THRB: variants seen among roughly 807,000 people sequenced by gnomAD.
THRB encodes the protein thyroid hormone receptor beta.
Under a neutral mutation model 47.8 loss-of-function variants are expected in THRB, and 12 were observed. The observed-to-expected ratio is 0.25, with a 90% CI of 0.16 to 0.41. The LOEUF is 0.41. Ranked by LOEUF, THRB falls within the 10% of genes least tolerant of loss-of-function variation. The probability of loss-of-function intolerance (pLI) is 1.00; values close to 1 mark genes in which losing one functional copy is unlikely to be tolerated. For missense variants in THRB, 348 were observed against 589.2 expected (o/e 0.59, Z 4.24); for synonymous variants, 218 against 212.2 (o/e 1.03, Z -0.24).
intron 1 of THRB, among the ~76,000 whole-genome samples, chr3:24,438,418 AG>A (rs1175368693): frequency 3.3e-5 from 5 of 152,170 alleles, no homozygotes; most frequent in African/African-American, 1.2e-4. Context: ...AAAAGCCCCT[AG>A]AACACTGTTG....
At chr3:24,353,357 C>A (rs1433422220) in intron 1 of THRB, among the ~76,000 whole-genome samples, 1 of 152,080 alleles carries the variant, frequency 6.6e-6, no homozygotes, top group Non-Finnish European at 1.5e-5. Flanking sequence ...ACTCATGTCA[C>A]CCAGCTGGCT....
At chr3:24,295,661 C>T (rs989731297) in intron 3 of THRB, among the ~76,000 whole-genome samples, 13 of 152,110 alleles carry the variant, frequency 8.5e-5, no homozygotes, top group Admixed American at 2.0e-4. Context: ...CTTGTTAGCC[C>T]TCTTCATTTT....
At chr3:24,362,569 A>T (rs1030659050) in intron 1 of THRB, among the ~76,000 whole-genome samples, 2 of 151,940 alleles carry the variant, frequency 1.3e-5, no homozygotes, top group Non-Finnish European at 1.5e-5. Flanking sequence ...TTTTAAATGG[A>T]CTCTCATCCA....
chr3:24,360,338 T>C (rs2063973979), intron 1 of THRB, among the ~76,000 whole-genome samples: 1 of 152,162 alleles, frequency 6.6e-6, no homozygotes, highest in South Asian at 2.1e-4. Flanking sequence ...TGTGTCCAGA[T>C]GTGTTCAGTA....
At chr3:24,237,732 G>A (rs2049017774) in intron 3 of THRB, among the ~76,000 whole-genome samples, 1 of 152,150 alleles carries the variant, frequency 6.6e-6, no homozygotes, top group South Asian at 2.1e-4. Context: ...ATCCATGGTA[G>A]TATTCTATAC....
chr3:24,129,151 T>C (rs962482681), intron 9 of THRB, among the ~76,000 whole-genome samples: 2 of 152,216 alleles, frequency 1.3e-5, no homozygotes, highest in Non-Finnish European at 2.9e-5. Flanking sequence ...ATAAAAGTCA[T>C]TGCATATTTG....
At chr3:24,375,401 A>G (rs1235009658) in intron 1 of THRB, among the ~76,000 whole-genome samples, 2 of 139,490 alleles carry the variant, frequency 1.4e-5, no homozygotes, top group Non-Finnish European at 3.1e-5. Flanking sequence ...TTATAGTTAG[A>G]CATATAATAT....
At chr3:24,154,249 A>G (rs1559468820) in intron 5 of THRB, among the ~76,000 whole-genome samples, 1 of 152,184 alleles carries the variant, frequency 6.6e-6, no homozygotes, top group Non-Finnish European at 1.5e-5. Context: ...TCATTTTTAA[A>G]AAGGGAATTC....
chr3:24,231,426 G>C (rs1280038624), intron 3 of THRB, among the ~76,000 whole-genome samples: 1 of 151,934 alleles, frequency 6.6e-6, no homozygotes, highest in African/African-American at 2.4e-5. Flanking sequence ...TAAAAATAGT[G>C]TTATCACCAC....
At chr3:24,463,297 G>A (rs983707141) in intron 1 of THRB, among the ~76,000 whole-genome samples, 6 of 152,178 alleles carry the variant, frequency 3.9e-5, no homozygotes, top group Non-Finnish European at 8.8e-5. Flanking sequence ...GTCTCATCCT[G>A]TAGCCCAGGC....
chr3:24,242,240 T>C (rs990310700), intron 3 of THRB, among the ~76,000 whole-genome samples: 2 of 152,190 alleles, frequency 1.3e-5, no homozygotes, highest in Non-Finnish European at 2.9e-5. Context: ...AGATGGCATG[T>C]TTTAGCCAAT....
At chr3:24,411,500 G>T (rs1457207050) in intron 1 of THRB, among the ~76,000 whole-genome samples, 1 of 151,588 alleles carries the variant, frequency 6.6e-6, no homozygotes, top group Non-Finnish European at 1.5e-5. Flanking sequence ...TGAGCCCAAT[G>T]ATAGTGGACC....
At chr3:24,361,492 A>G (rs1443259209) in intron 1 of THRB, among the ~76,000 whole-genome samples, 1 of 152,162 alleles carries the variant, frequency 6.6e-6, no homozygotes, top group Non-Finnish European at 1.5e-5. Flanking sequence ...AAGAGGGGGC[A>G]GGAGGCATTT....
intron 1 of THRB, among the ~76,000 whole-genome samples, chr3:24,389,419 A>G (rs1033978988): frequency 7.9e-5 from 12 of 152,204 alleles, no homozygotes; most frequent in African/African-American, 2.9e-4. Flanking sequence ...ATTGTTAGAC[A>G]GAATAATATG....
At chr3:24,152,965 AAAAAAAAAG>A (rs1285400482) in intron 5 of THRB, among the ~76,000 whole-genome samples, 12 of 76,514 alleles carry the variant, frequency 1.6e-4, no homozygotes, top group African/African-American at 7.3e-4. Flanking sequence ...TCTGCCAAAA[AAAAAAAAAG>A]AAAGAAAGAA....
chr3:24,276,164 T>C (rs529931932), intron 3 of THRB, among the ~76,000 whole-genome samples: 2 of 152,216 alleles, frequency 1.3e-5, no homozygotes, highest in South Asian at 4.1e-4. Context: ...CTATGCTAAG[T>C]AGTATTGTTT....
chr3:24,291,835 T>G (rs1198742530), intron 3 of THRB, among the ~76,000 whole-genome samples: 2 of 152,148 alleles, frequency 1.3e-5, no homozygotes, highest in Non-Finnish European at 2.9e-5. Flanking sequence ...AAATTCCAAA[T>G]GTACATGCCT....
intron 2 of THRB, among the ~76,000 whole-genome samples, chr3:24,307,642 G>GT (rs199929788): frequency 1.3e-5 from 2 of 151,966 alleles, no homozygotes; most frequent in Admixed American, 6.6e-5. Flanking sequence ...ATTCTGGATG[G>GT]TTTTTTTTAG....
At chr3:24,489,822 C>G (rs193251630) in intron 1 of THRB, among the ~76,000 whole-genome samples, 1 of 150,740 alleles carries the variant, frequency 6.6e-6, no homozygotes, top group South Asian at 2.1e-4. Flanking sequence ...TTTGGATACT[C>G]CCCCCCACTT....
Sources: allele counts gnomAD v4.1 joint callset (sites outside exome capture counted in the v4.1 genomes callset), GRCh38; gene constraint gnomAD v4.1.1; transcripts MANE v1.5; gene names NCBI Gene and HGNC (gene_info 2026-07-23, HGNC 2026-07-21).